The following INPP4A variants were observed in gnomAD, a reference collection of about 807,000 sequenced individuals.
INPP4A encodes the protein inositol polyphosphate-4-phosphatase, type I, 107kD.
Under a neutral mutation model 119.8 loss-of-function variants are expected in INPP4A, and 33 were observed. The observed-to-expected ratio is 0.28, with a 90% CI of 0.21 to 0.37. INPP4A has a LOEUF of 0.37. Ranked by LOEUF, INPP4A falls within the 10% of genes least tolerant of loss-of-function variation. The pLI is 1.00. For missense variants in INPP4A, 956 were observed against 1,289.9 expected (o/e 0.74, Z 3.97); for synonymous variants, 496 against 500.7 (o/e 0.99, Z 0.12).
rs565310672 is a variant in INPP4A, at chr2:98,582,097, C to A, written c.2786+4954C>A. 5.3e-5 allele frequency among the ~76,000 whole-genome samples: 8 copies of A among 152,318 alleles called. No homozygotes were observed. In the South Asian group the frequency reaches 1.4e-3, roughly 28 times the overall value. ...TTATCACCTGTACCTCTCATGTGCC[C>A]TGTTTCCAAGAGAAACGAGTTCTGT... is the stretch of plus-strand genomic sequence containing the variant. On this transcript the variant is annotated intron_variant, in intron 24 of 24. Transcript: ENST00000409851.
chr2:98,568,758 G>T, intron 22 of INPP4A, 90 bp downstream of exon 22: 1 of 714,968 alleles, frequency 1.4e-6, no homozygotes, highest in Non-Finnish European at 2.6e-6. Flanking sequence ...GCCTCTGTGA[G>T]TGCATGCCTG....
chr2:98,508,790 G>A (rs1469476903), intron 1 of INPP4A, among the ~76,000 whole-genome samples: 1 of 152,160 alleles, frequency 6.6e-6, no homozygotes, highest in African/African-American at 2.4e-5. Context: ...CCTGGTGCAC[G>A]CTGACTGCAG....
chr2:98,448,223 G>T (rs1022031762), intron 1 of INPP4A, among the ~76,000 whole-genome samples: 1 of 151,496 alleles, frequency 6.6e-6, no homozygotes, highest in African/African-American at 2.4e-5. Flanking sequence ...GGGTATAGTG[G>T]CGTGTGCTCG....
chr2:98,460,100 C>CGCGTGTGTGTGTGTGTGTGTGTGTGT (rs1696879125), intron 1 of INPP4A, among the ~76,000 whole-genome samples: 2 of 147,012 alleles, frequency 1.4e-5, no homozygotes, highest in African/African-American at 5.0e-5. Context: ...GTTTGGTCAT[C>CGCGTGTGTGTGTGTGTGTGTGTGTGT]GTGTGTGTGT....
intron 1 of INPP4A, among the ~76,000 whole-genome samples, chr2:98,500,586 G>T (rs550714931): frequency 6.6e-6 from 1 of 152,142 alleles, no homozygotes; most frequent in African/African-American, 2.4e-5. Flanking sequence ...AATACAGCAC[G>T]GGCAAGTGGG....
At chr2:98,490,283 G>A (rs1294986794) in intron 1 of INPP4A, among the ~76,000 whole-genome samples, 1 of 152,068 alleles carries the variant, frequency 6.6e-6, no homozygotes, top group African/African-American at 2.4e-5. Flanking sequence ...ATCACTTGAA[G>A]GGCTGGGTGT....
intron 1 of INPP4A, among the ~76,000 whole-genome samples, chr2:98,513,171 A>G (rs1685455005): frequency 6.6e-6 from 1 of 151,802 alleles, no homozygotes. Context: ...CGTAGGCCCA[A>G]CTCCTCCTGC....
intron 4 of INPP4A, among the ~76,000 whole-genome samples, chr2:98,525,310 A>G (rs995038244): frequency 6.6e-6 from 1 of 152,038 alleles, no homozygotes; most frequent in South Asian, 2.1e-4. Flanking sequence ...TTCCATTGTT[A>G]TATCTTTATG....
intron 1 of INPP4A, among the ~76,000 whole-genome samples, chr2:98,507,845 A>G (rs912549948): frequency 6.6e-6 from 1 of 152,096 alleles, no homozygotes; most frequent in Non-Finnish European, 1.5e-5. Context: ...CCTGAGACAA[A>G]TACGCCTTTC....
intron 13 of INPP4A, among the ~76,000 whole-genome samples, chr2:98,547,020 CACCA>C (rs1692598358): frequency 6.6e-6 from 1 of 152,208 alleles, no homozygotes; most frequent in Non-Finnish European, 1.5e-5. Context: ...GTCAGTTGAG[CACCA>C]TAGGCATCGA....
At chr2:98,556,199 G>C in intron 16 of INPP4A, 1 of 192,278 alleles carries the variant, frequency 5.2e-6, no homozygotes, top group Non-Finnish European at 1.1e-5. Context: ...GAATGAAAGG[G>C]GAAAGGGGAA....
intron 1 of INPP4A, among the ~76,000 whole-genome samples, chr2:98,503,932 G>T (rs1015250529): frequency 6.6e-6 from 1 of 152,234 alleles, no homozygotes; most frequent in South Asian, 2.1e-4. Context: ...GTTGGCACTT[G>T]TCCCTACATG....
At chr2:98,463,888 T>G (rs1160537983) in intron 1 of INPP4A, among the ~76,000 whole-genome samples, 1 of 152,168 alleles carries the variant, frequency 6.6e-6, no homozygotes, top group African/African-American at 2.4e-5. Flanking sequence ...CAGTCTCTGC[T>G]CGCTCCGTGC....
At chr2:98,471,662 GCTGT>G (rs1157143139) in intron 1 of INPP4A, among the ~76,000 whole-genome samples, 7 of 151,678 alleles carry the variant, frequency 4.6e-5, no homozygotes, top group Non-Finnish European at 1.5e-5. Flanking sequence ...GCTTAGACTG[GCTGT>G]CTGTAAGCTT....
chr2:98,539,474 G>A (rs1041843343), intron 9 of INPP4A, 54 bp from the exon 10 acceptor site: 3 of 1,564,078 alleles, frequency 1.9e-6, no homozygotes, highest in Non-Finnish European at 2.6e-6. Flanking sequence ...AACCCATGAG[G>A]CAGGTCTGCA....
At chr2:98,573,515 C>T (rs906641807) in intron 23 of INPP4A, among the ~76,000 whole-genome samples, 1 of 152,166 alleles carries the variant, frequency 6.6e-6, no homozygotes, top group South Asian at 2.1e-4. Flanking sequence ...CACACATGGC[C>T]CCAGTGGCAT....
At chr2:98,567,854 A>G (rs1696755662) in intron 21 of INPP4A, among the ~76,000 whole-genome samples, 1 of 152,134 alleles carries the variant, frequency 6.6e-6, no homozygotes, top group South Asian at 2.1e-4. Context: ...TGGGACCCGT[A>G]GGAGGGAATC....
At chr2:98,475,628 G>T (rs570496240) in intron 1 of INPP4A, among the ~76,000 whole-genome samples, 25 of 152,204 alleles carry the variant, frequency 1.6e-4, no homozygotes, top group African/African-American at 5.8e-4. Context: ...TTTGCTTTAG[G>T]CGTCAGTATT....
chr2:98,524,049 T>G (rs1687729743), intron 4 of INPP4A, among the ~76,000 whole-genome samples: 1 of 152,138 alleles, frequency 6.6e-6, no homozygotes, highest in Non-Finnish European at 1.5e-5. Context: ...CTTCATAGAG[T>G]CTCTAATAGA....
Sources: gnomAD v4.1 joint callset for allele counts (sites outside exome capture counted in the v4.1 genomes callset) on GRCh38, gnomAD v4.1.1 for gene constraint, MANE v1.5 for transcripts, NCBI Gene and HGNC (gene_info 2026-07-23, HGNC 2026-07-21) for gene names.